Variants in TRPM7 observed in about 807,000 individuals in gnomAD.
TRPM7 encodes transient receptor potential cation channel subfamily M member 7.
A neutral mutation model predicts 229.7 loss-of-function variants in TRPM7; 134 were observed. That is an observed-to-expected ratio of 0.58 (90% CI 0.51 to 0.67). The LOEUF (loss-of-function observed/expected upper bound fraction) is 0.67, where lower values mean the gene tolerates loss of function less well. Ranked by LOEUF, TRPM7 falls within the 30% of genes least tolerant of loss-of-function variation. The probability of loss-of-function intolerance (pLI) is 0.00; values close to 1 mark genes in which losing one functional copy is unlikely to be tolerated. For missense variants in TRPM7, 1,901 were observed against 2,210.0 expected (o/e 0.86, Z 2.80); for synonymous variants, 699 against 715.2 (o/e 0.98, Z 0.36).
intron 13 of TRPM7, among the ~76,000 whole-genome samples, chr15:50,616,794 C>T (rs2060233868): frequency 6.6e-6 from 1 of 152,018 alleles, no homozygotes; most frequent in African/African-American, 2.4e-5. Flanking sequence ...AATTCTTCTG[C>T]CTCAGCCTCC....
intron 24 of TRPM7, 49 bp from the exon 25 acceptor site, chr15:50,593,798 C>T (rs2059564314): frequency 1.3e-6 from 2 of 1,547,904 alleles, no homozygotes; most frequent in African/African-American, 1.4e-5. Flanking sequence ...ATCAAGGTTT[C>T]AACTTTAGCT....
At position 50,570,137 on chromosome 15, in the gene TRPM7, G is replaced by A; in HGVS notation, c.5327C>T (p.Thr1776Ile). Residue 1776 changes from threonine (T) to isoleucine (I), a missense_variant, in exon 37 of 39, where the codon ACT becomes ATT. Transcript: ENST00000646667. ...TTCTGCTTTTATCACAGATGGGTCAGTCAAATTTTCACCAACACCTTTATA... is the reference window on the plus strand; with the variant it reads ...TTCTGCTTTTATCACAGATGGGTCAATCAAATTTTCACCAACACCTTTATA... ...LDLQGVGENL[T>I]DPSVIKAEEK... 3 of 1,608,510 alleles carry A rather than the reference G, an allele frequency of 1.9e-6. No homozygotes were observed. Among genetic ancestry groups the A allele is most frequent in the Non-Finnish European group, 2.5e-6 (3 of 1,177,668 alleles).
intron 1 of TRPM7, among the ~76,000 whole-genome samples, chr15:50,679,529 TATATA>T (rs1479604104): frequency 3.5e-4 from 18 of 51,726 alleles, no homozygotes; most frequent in African/African-American, 9.5e-4. Flanking sequence ...TATATATATA[TATATA>T]TATATTTTTT....
chr15:50,666,029 T>C (rs1293112558), intron 1 of TRPM7, among the ~76,000 whole-genome samples: 3 of 151,876 alleles, frequency 2.0e-5, no homozygotes, highest in Non-Finnish European at 4.4e-5. Context: ...TGAAAATTAA[T>C]GAGCTAACTC....
chr15:50,664,694 T>TGGTG (rs1415747426), intron 1 of TRPM7, among the ~76,000 whole-genome samples: 1 of 152,174 alleles, frequency 6.6e-6, no homozygotes, highest in African/African-American at 2.4e-5. Context: ...AAGCCAGGCA[T>TGGTG]GGTGGCTCAC....
chr15:50,651,810 C>A (rs1229692843), intron 3 of TRPM7, among the ~76,000 whole-genome samples: 1 of 151,708 alleles, frequency 6.6e-6, no homozygotes, highest in Non-Finnish European at 1.5e-5. Context: ...TTACTTGAAC[C>A]CAGGAGGTGG....
intron 5 of TRPM7, among the ~76,000 whole-genome samples, chr15:50,642,337 C>A (rs1426915470): frequency 1.3e-5 from 2 of 152,186 alleles, no homozygotes; most frequent in Non-Finnish European, 2.9e-5. Context: ...CACAACTATT[C>A]ACCTCTGCTG....
At position 50,560,285 on chromosome 15, in the gene TRPM7, A is replaced by G. The variant is rs973901604; in HGVS notation, c.*1393T>C. On this transcript the variant is annotated 3_prime_UTR_variant, in exon 39 of 39. Coordinates refer to ENST00000646667, the MANE Select transcript of TRPM7 (RefSeq NM_017672.6). ...ATAATTTTTCAGAATGATTAAACTC[A>G]CTAAACATCTGTAAACAATAAATTT... The G allele has an allele frequency of 2.0e-5, 3 of 152,598 alleles. No homozygotes were observed. The highest frequency in any genetic ancestry group is 7.2e-5 in the African/African-American group (3 of 41,454). The allele number at this position is 152,598 out of a possible 1,614,324, so 9.5% of individuals were successfully genotyped here.
At chr15:50,639,275 A>G in intron 6 of TRPM7, 149 bp downstream of exon 6, 1 of 538,784 alleles carries the variant, frequency 1.9e-6, no homozygotes, top group East Asian at 4.2e-5. Context: ...GCATTTCCAA[A>G]AATTCAGAAG....
chr15:50,646,335 T>C lies in TRPM7; in HGVS notation c.321+2352A>G, dbSNP rs1351651619. Among the ~76,000 whole-genome samples the C allele has an allele frequency of 2.0e-5, 3 of 152,072 alleles. No homozygotes were observed. In the East Asian group the frequency reaches 5.8e-4, roughly 29 times the overall value. On this transcript the variant is annotated intron_variant, in intron 4 of 38. Transcript: ENST00000646667. ...CTGGCTCTGTTGCCCAGGCTAGACTTTGGTGACATGGTCCAAGGCTCACTG... is the reference window on the plus strand; with the variant it reads ...CTGGCTCTGTTGCCCAGGCTAGACTCTGGTGACATGGTCCAAGGCTCACTG...
At chr15:50,683,826 T>C (rs1037215056) in intron 1 of TRPM7, among the ~76,000 whole-genome samples, 12 of 152,084 alleles carry the variant, frequency 7.9e-5, no homozygotes, top group African/African-American at 1.9e-4. Context: ...AGAAAGTACA[T>C]AGTACTATCT....
At chr15:50,633,920 T>C (rs1050762119) in intron 8 of TRPM7, among the ~76,000 whole-genome samples, 1 of 152,228 alleles carries the variant, frequency 6.6e-6, no homozygotes, top group Non-Finnish European at 1.5e-5. Flanking sequence ...GGCTATTTCC[T>C]CAACCCTTAA....
rs531406541 is a variant in TRPM7 at position 50,606,846 on chromosome 15, G to GTAATTTACC, written c.2709+353_2709+354insGGTAAATTA. On this transcript the variant is annotated intron_variant, in intron 20 of 38. Coordinates refer to ENST00000646667, the MANE Select transcript of TRPM7 (RefSeq NM_017672.6). ...CTACCTAATTGGCTAAATCAGGTAG[G>GTAATTTACC]TAAATTAAAAGTCATTTAGCTAAGT... Among the ~76,000 whole-genome samples, 181 of 152,218 alleles carry GTAATTTACC rather than the reference G, an allele frequency of 1.2e-3. 1 individual carries two copies. The highest frequency in any genetic ancestry group is 2.7e-3 in the South Asian group (13 of 4,828).
At chr15:50,572,898 T>A (rs1324477509) in intron 36 of TRPM7, among the ~76,000 whole-genome samples, 2 of 152,192 alleles carry the variant, frequency 1.3e-5, no homozygotes, top group African/African-American at 4.8e-5. Flanking sequence ...CTGGTCTGTG[T>A]TTACATTTGA....
At chr15:50,645,311 G>C (rs1295952635) in intron 4 of TRPM7, among the ~76,000 whole-genome samples, 1 of 152,034 alleles carries the variant, frequency 6.6e-6, no homozygotes, top group Non-Finnish European at 1.5e-5. Context: ...CAAAGTGCTG[G>C]GATTATAGGC....
intron 1 of TRPM7, among the ~76,000 whole-genome samples, chr15:50,668,199 T>C (rs749324612): frequency 5.3e-5 from 8 of 152,194 alleles, no homozygotes; most frequent in Non-Finnish European, 8.8e-5. Context: ...TTGGAGACTC[T>C]AACATTAGAA....
intron 26 of TRPM7, 97 bp from the exon 27 acceptor site, chr15:50,589,753 CT>C: frequency 1.3e-6 from 1 of 767,024 alleles, no homozygotes; most frequent in Non-Finnish European, 2.1e-6. Context: ...TAGGTTTATG[CT>C]GTTTTTCAAG....
chr15:50,628,389 C>T, intron 10 of TRPM7, 140 bp from the exon 11 acceptor site: 1 of 581,896 alleles, frequency 1.7e-6, no homozygotes, highest in South Asian at 2.2e-5. Flanking sequence ...CTCACTGCAG[C>T]CTTGAATTCC....
At chr15:50,646,749 TAC>T (rs1426229110) in intron 4 of TRPM7, among the ~76,000 whole-genome samples, 5 of 152,226 alleles carry the variant, frequency 3.3e-5, no homozygotes, top group Non-Finnish European at 5.9e-5. Flanking sequence ...TAATTTACAG[TAC>T]AGTCATGTGC....
Sources: gnomAD v4.1 joint callset for allele counts (sites outside exome capture counted in the v4.1 genomes callset) on GRCh38, gnomAD v4.1.1 for gene constraint, MANE v1.5 for transcripts, NCBI Gene and HGNC (gene_info 2026-07-23, HGNC 2026-07-21) for gene names.